Variants in ROR1 observed in about 807,000 individuals in gnomAD.
ROR1 encodes inactive tyrosine-protein kinase transmembrane receptor ROR1.
Under a neutral mutation model 78.8 loss-of-function variants are expected in ROR1, and 19 were observed. The observed-to-expected ratio is 0.24, with a 90% CI of 0.17 to 0.35. ROR1 has a LOEUF of 0.35. Among genes scored for constraint, ROR1 ranks in the 10% least tolerant of loss-of-function variants. The pLI is 1.00. For missense variants in ROR1, 917 were observed against 1,177.8 expected (o/e 0.78, Z 3.24); for synonymous variants, 386 against 433.6 (o/e 0.89, Z 1.36).
intron 4 of ROR1, among the ~76,000 whole-genome samples, chr1:64,121,748 C>A (rs1648550970): frequency 6.6e-6 from 1 of 152,160 alleles, no homozygotes; most frequent in Admixed American, 6.5e-5. Flanking sequence ...CCTTGGTACA[C>A]CACTGAGCCC....
intron 1 of ROR1, among the ~76,000 whole-genome samples, chr1:63,806,339 A>G (rs1038875453): frequency 5.3e-5 from 7 of 132,844 alleles, no homozygotes; most frequent in African/African-American, 8.9e-5. Context: ...TTTTTTTGAG[A>G]TGGAGTCTCG....
intron 4 of ROR1, among the ~76,000 whole-genome samples, chr1:64,108,758 G>C (rs537750453): frequency 5.3e-5 from 8 of 152,284 alleles, no homozygotes; most frequent in Non-Finnish European, 1.2e-4. Context: ...AAGTCTCAAA[G>C]GGACATTCTG....
Position 64,050,729 on chromosome 1 carries a change from A to G in ROR1, c.482+13A>G, listed in dbSNP as rs1165092677. ...GTCCAGGATACTCGTAAGTACTTTT[A>G]TCTCCTTTCTTGTCATTTCTAAGTG... On this transcript the variant is annotated intron_variant, in intron 4 of 8. Coordinates refer to ENST00000371079, the MANE Select transcript of ROR1 (RefSeq NM_005012.4). The G allele has an allele frequency of 6.2e-7, 1 of 1,612,462 alleles. No individual in the cohort carries two copies. The highest frequency in any genetic ancestry group is 2.2e-5 in the East Asian group (1 of 44,848).
intron 2 of ROR1, among the ~76,000 whole-genome samples, chr1:64,023,753 C>T (rs772504163): frequency 7.9e-5 from 12 of 152,266 alleles, no homozygotes; most frequent in East Asian, 3.9e-4. Context: ...GAAACAAATT[C>T]GCAAGCATCT....
chr1:64,040,613 C>T (rs954638188), intron 2 of ROR1, among the ~76,000 whole-genome samples: 1 of 152,152 alleles, frequency 6.6e-6, no homozygotes, highest in African/African-American at 2.4e-5. Flanking sequence ...ATCAGGACAC[C>T]AGCATGGTCA....
intron 5 of ROR1, among the ~76,000 whole-genome samples, chr1:64,137,864 T>C (rs989108952): frequency 1.3e-5 from 2 of 152,136 alleles, no homozygotes; most frequent in Non-Finnish European, 2.9e-5. Flanking sequence ...TGATGTCGAC[T>C]GAGAGGGGAT....
intron 4 of ROR1, among the ~76,000 whole-genome samples, chr1:64,135,522 T>TG (rs1318619559): frequency 6.6e-6 from 1 of 151,866 alleles, no homozygotes; most frequent in African/African-American, 2.4e-5. Flanking sequence ...GGGGGTGGCA[T>TG]GGGGGTGTAT....
intron 8 of ROR1, among the ~76,000 whole-genome samples, chr1:64,164,048 T>C (rs202095778): frequency 1.4e-5 from 2 of 145,256 alleles, no homozygotes; most frequent in South Asian, 2.2e-4. Flanking sequence ...TATTTTTTTT[T>C]CCCCTTGACT....
chr1:64,071,869 G>A (rs143285405), intron 4 of ROR1, among the ~76,000 whole-genome samples: 60 of 152,302 alleles, frequency 3.9e-4, no homozygotes, highest in African/African-American at 1.2e-3. Context: ...CTAGGAGAGA[G>A]GGAAGAGCCA....
At chr1:63,795,143 A>AG (rs1569722665) in intron 1 of ROR1, among the ~76,000 whole-genome samples, 1 of 152,182 alleles carries the variant, frequency 6.6e-6, no homozygotes, top group East Asian at 1.9e-4. Flanking sequence ...GTTGGCAGCC[A>AG]GGCTGGTGCT....
chr1:64,020,175 T>C (rs1331720139), intron 2 of ROR1, among the ~76,000 whole-genome samples: 1 of 152,190 alleles, frequency 6.6e-6, no homozygotes, highest in Non-Finnish European at 1.5e-5. Context: ...TTGCTGATGC[T>C]TTAAGCCACT....
intron 1 of ROR1, among the ~76,000 whole-genome samples, chr1:63,819,568 G>T (rs1287610944): frequency 6.6e-6 from 1 of 152,094 alleles, no homozygotes. Flanking sequence ...TATTCCTCAG[G>T]AGCCCATGAA....
At chr1:63,906,433 T>C (rs541692260) in intron 1 of ROR1, among the ~76,000 whole-genome samples, 25 of 152,326 alleles carry the variant, frequency 1.6e-4, no homozygotes, top group Non-Finnish European at 2.8e-4. Context: ...GAATGACCTT[T>C]CCAAGAATCT....
At chr1:63,997,967 A>G (rs1646351879) in intron 1 of ROR1, among the ~76,000 whole-genome samples, 1 of 152,102 alleles carries the variant, frequency 6.6e-6, no homozygotes, top group South Asian at 2.1e-4. Context: ...GGTCATTACT[A>G]TTATGCCCAT....
At chr1:63,933,620 T>C (rs1308457575) in intron 1 of ROR1, among the ~76,000 whole-genome samples, 2 of 152,238 alleles carry the variant, frequency 1.3e-5, no homozygotes, top group African/African-American at 4.8e-5. Context: ...CACCAACTGC[T>C]TTGTACGTTT....
intron 1 of ROR1, among the ~76,000 whole-genome samples, chr1:63,949,735 A>G (rs1645919075): frequency 6.6e-6 from 1 of 151,936 alleles, no homozygotes; most frequent in South Asian, 2.1e-4. Flanking sequence ...GTTTCATGCC[A>G]TTTTCAGACA....
chr1:64,035,088 G>T (rs916195538), intron 2 of ROR1, among the ~76,000 whole-genome samples: 1 of 152,128 alleles, frequency 6.6e-6, no homozygotes, highest in South Asian at 2.1e-4. Flanking sequence ...CACATCTTTT[G>T]GTAAAGTGAT....
intron 4 of ROR1, among the ~76,000 whole-genome samples, chr1:64,085,203 G>C (rs1238199486): frequency 3.9e-5 from 6 of 152,212 alleles, no homozygotes; most frequent in African/African-American, 1.4e-4. Context: ...CATGCTGGAT[G>C]TAAAAGTGCC....
At chr1:64,049,594 C>T in intron 2 of ROR1, 97 bp from the exon 3 acceptor site, 2 of 1,081,406 alleles carry the variant, frequency 1.8e-6, no homozygotes, top group East Asian at 2.4e-5. Context: ...TGCTCAGCCT[C>T]TCTGTGATCC....
Sources: gnomAD v4.1 joint callset for allele counts (sites outside exome capture counted in the v4.1 genomes callset) on GRCh38, gnomAD v4.1.1 for gene constraint, MANE v1.5 for transcripts, NCBI Gene and HGNC (gene_info 2026-07-23, HGNC 2026-07-21) for gene names.